VPS50: variants seen among roughly 807,000 people sequenced by gnomAD.
VPS50 encodes the protein VPS50 subunit of EARP/GARPII complex.
A neutral mutation model predicts 139.7 loss-of-function variants in VPS50; 70 were observed. The observed-to-expected ratio is 0.50, with a 90% CI of 0.41 to 0.61. The LOEUF (loss-of-function observed/expected upper bound fraction) is 0.61, where lower values mean the gene tolerates loss of function less well. Among genes scored for constraint, VPS50 ranks in the 20% least tolerant of loss-of-function variants. The pLI, the probability that VPS50 is intolerant of heterozygous loss-of-function variation, is 0.00. For missense variants in VPS50, 921 were observed against 1,133.7 expected (o/e 0.81, Z 2.69); for synonymous variants, 365 against 376.7 (o/e 0.97, Z 0.36).
chr7:93,335,559 A>G (rs1205282398), intron 22 of VPS50, among the ~76,000 whole-genome samples: 1 of 151,742 alleles, frequency 6.6e-6, no homozygotes, highest in Non-Finnish European at 1.5e-5. Flanking sequence ...TCCTTATTTG[A>G]TCCACCCTTT....
intron 20 of VPS50, among the ~76,000 whole-genome samples, chr7:93,315,823 T>G (rs1349082837): frequency 6.6e-6 from 1 of 151,936 alleles, no homozygotes; most frequent in Admixed American, 6.6e-5. Context: ...ATTCATTAGT[T>G]TTAGTCCACC....
At chr7:93,330,723 C>T (rs951454381) in intron 21 of VPS50, among the ~76,000 whole-genome samples, 2 of 132,912 alleles carry the variant, frequency 1.5e-5, no homozygotes, top group Non-Finnish European at 3.1e-5. Context: ...CACTGCATTC[C>T]AGCCTGGGCA....
chr7:93,322,370 C>T (rs1487116479), intron 20 of VPS50, among the ~76,000 whole-genome samples: 6 of 151,842 alleles, frequency 4.0e-5, no homozygotes, highest in South Asian at 2.1e-4. Context: ...GAGGCCGAGG[C>T]GGGCGGATCA....
intron 8 of VPS50, 72 bp from the exon 9 acceptor site, chr7:93,259,478 A>G (rs1429169357): frequency 2.6e-6 from 2 of 769,478 alleles, no homozygotes; most frequent in Non-Finnish European, 2.2e-6. Context: ...ATATGAACAG[A>G]GATTTTTTTT....
intron 21 of VPS50, among the ~76,000 whole-genome samples, chr7:93,326,147 G>C (rs1317608084): frequency 1.4e-4 from 21 of 147,582 alleles, no homozygotes; most frequent in South Asian, 2.2e-4. Context: ...GTCCTTTGTA[G>C]GGACATGGAT....
intron 16 of VPS50, among the ~76,000 whole-genome samples, chr7:93,302,741 TGTG>T (rs1377054395): frequency 6.6e-6 from 1 of 152,074 alleles, no homozygotes; most frequent in Non-Finnish European, 1.5e-5. Context: ...AGTAACAACT[TGTG>T]GTAGAAAGAG....
rs144600958 is a variant in VPS50 at position 93,264,267 on chromosome 7, A to G, written c.659+4635A>G. Among the ~76,000 whole-genome samples, 450 of 152,320 alleles carry G rather than the reference A, an allele frequency of 3.0e-3. 1 individual carries two copies. Among genetic ancestry groups the G allele is most frequent in the Admixed American group, 6.6e-3 (101 of 15,296 alleles). On this transcript the variant is annotated intron_variant, in intron 9 of 27. Coordinates refer to ENST00000305866, the MANE Select transcript of VPS50 (RefSeq NM_017667.4). ...TGTTCACTTTTATAACTGAGAGAAC[A>G]TTTTTACATTGTTTGATATTTCCTG...
chr7:93,341,568 G>T lies in VPS50; in HGVS notation c.2200G>T (p.Glu734Ter). The change falls in exon 23 of 28, where the codon GAA (glutamate) becomes TAA (stop). Residue 734 changes from glutamate to a stop codon, truncating the protein, a stop_gained. Transcript: ENST00000305866. LOFTEE classifies it high-confidence loss of function. ...GTTGGCAGAAAGAGTGGTAGCCACG[G>T]AATCCTTGTAAGTTGTTCAAAACAG... ...YGLAERVVAT[E>*]SLVFLAEQFE... The T allele has an allele frequency of 1.2e-6, 2 of 1,603,864 alleles. No individual in the cohort carries two copies. The highest frequency in any genetic ancestry group is 1.7e-6 in the Non-Finnish European group (2 of 1,176,226).
chr7:93,279,736 T>C (rs774073936), intron 12 of VPS50, among the ~76,000 whole-genome samples: 6 of 152,218 alleles, frequency 3.9e-5, no homozygotes, highest in Non-Finnish European at 7.3e-5. Flanking sequence ...TTATATCCTC[T>C]GTACAGTAGC....
chr7:93,253,879 A>G lies in VPS50; in HGVS notation c.245A>G (p.Asn82Ser). 1 of 1,598,032 alleles carries G rather than the reference A, an allele frequency of 6.3e-7. No individual in the cohort carries two copies. ...CTGTAGAAGCTTCCACCTGTTCTCA[A>G]TTTGCAAGAATTAGAGGCGTATAGA... is the stretch of plus-strand genomic sequence containing the variant. ...YELEKLPPVL[N>S]LQELEAYRDK... Residue 82 changes from asparagine (N) to serine (S), a missense_variant, in exon 4 of 28, where the codon AAT becomes AGT. Physicochemically the swap from Asn to Ser is conservative, Grantham distance 46 (BLOSUM62 1). Transcript: ENST00000305866.
intron 11 of VPS50, among the ~76,000 whole-genome samples, chr7:93,273,922 T>C (rs1475310029): frequency 3.3e-5 from 5 of 152,112 alleles, no homozygotes; most frequent in Non-Finnish European, 7.4e-5. Context: ...TCATCATTAT[T>C]ATATCTGGGA....
chr7:93,272,580 T>G, intron 10 of VPS50, 55 bp from the exon 11 acceptor site: 1 of 703,924 alleles, frequency 1.4e-6, no homozygotes, highest in South Asian at 2.0e-5. Flanking sequence ...TTCTTCTCAT[T>G]GCCTTGAAAA....
intron 1 of VPS50, among the ~76,000 whole-genome samples, chr7:93,235,388 A>G (rs1369731542): frequency 6.6e-6 from 1 of 152,226 alleles, no homozygotes; most frequent in Non-Finnish European, 1.5e-5. Context: ...ATAATTGGAC[A>G]TAACACTTCA....
At chr7:93,305,688 C>A in intron 17 of VPS50, 140 bp from the exon 18 acceptor site, 1 of 667,222 alleles carries the variant, frequency 1.5e-6, no homozygotes, top group South Asian at 1.9e-5. Context: ...TTTTAGATAA[C>A]TTGAAAGATT....
intron 16 of VPS50, among the ~76,000 whole-genome samples, chr7:93,302,151 TCTTAC>T (rs1401041840): frequency 2.0e-5 from 3 of 152,332 alleles, no homozygotes; most frequent in Middle Eastern, 6.8e-3. Flanking sequence ...TACTTTTAGT[TCTTAC>T]CTTAGGATTG....
intron 1 of VPS50, among the ~76,000 whole-genome samples, chr7:93,237,960 T>C (rs758009311): frequency 2.0e-5 from 3 of 152,196 alleles, no homozygotes; most frequent in Non-Finnish European, 4.4e-5. Context: ...TGTTCTCATA[T>C]GATGGGTTTA....
intron 20 of VPS50, among the ~76,000 whole-genome samples, chr7:93,322,395 C>A (rs1472741052): frequency 4.0e-5 from 6 of 151,424 alleles, no homozygotes; most frequent in Non-Finnish European, 8.8e-5. Context: ...GTCAGGAGAT[C>A]GAGACCATCC....
chr7:93,246,043 T>C lies in VPS50; in HGVS notation c.102+6109T>C. 7.9e-6 allele frequency: 8 copies of C among 1,011,054 alleles called. No homozygotes were observed. In the South Asian group the frequency reaches 1.0e-4, roughly 13 times the overall value. 62.6% of individuals were successfully genotyped at this position (1,011,054 alleles called of 1,614,324 possible). On this transcript the variant is annotated intron_variant, in intron 2 of 27. Transcript: ENST00000305866. ...TATTGAAAACTTCATGTTTTGTTCT[T>C]ACTTCTAGCTCTGTTTAGATTTTGG... is the stretch of plus-strand genomic sequence containing the variant.
intron 20 of VPS50, among the ~76,000 whole-genome samples, chr7:93,321,371 T>C (rs1411996884): frequency 6.6e-6 from 1 of 152,228 alleles, no homozygotes; most frequent in Non-Finnish European, 1.5e-5. Flanking sequence ...AGGAGGCATA[T>C]AAGCCTCCTC....
Sources: gnomAD v4.1 joint callset for allele counts (sites outside exome capture counted in the v4.1 genomes callset) on GRCh38, gnomAD v4.1.1 for gene constraint, MANE v1.5 for transcripts, NCBI Gene and HGNC (gene_info 2026-07-23, HGNC 2026-07-21) for gene names.